SPECC1: variants seen among roughly 807,000 people sequenced by gnomAD.
The protein encoded by SPECC1 is cytospin-B.
In SPECC1, 62 loss-of-function variants were observed where a neutral mutation model predicts 104.1. The ratio of observed to expected loss-of-function variants is 0.60; its 90% confidence interval spans 0.49 to 0.74. The LOEUF (loss-of-function observed/expected upper bound fraction) is 0.74. SPECC1 is among the 30% of genes least tolerant of loss of function. The pLI, the probability that SPECC1 is intolerant of heterozygous loss-of-function variation, is 0.00. For missense variants in SPECC1, 1,306 were observed against 1,310.5 expected (o/e 1.00, Z 0.05); for synonymous variants, 513 against 501.6 (o/e 1.02, Z -0.30).
chr17:20,212,823 G>C (rs1279404332), intron 4 of SPECC1, among the ~76,000 whole-genome samples: 2 of 152,196 alleles, frequency 1.3e-5, no homozygotes, highest in Non-Finnish European at 2.9e-5. Flanking sequence ...CAGCAGAATT[G>C]AGGGGCTGCT....
intron 1 of SPECC1, among the ~76,000 whole-genome samples, chr17:20,041,939 A>G (rs1400629403): frequency 1.3e-5 from 2 of 151,942 alleles, no homozygotes; most frequent in African/African-American, 4.8e-5. Context: ...GAGGCTTATG[A>G]TATGTGCTTT....
chr17:20,257,351 T>TTG, intron 10 of SPECC1, 100 bp from the exon 11 acceptor site: 1 of 1,348,584 alleles, frequency 7.4e-7, no homozygotes, highest in East Asian at 2.5e-5. Context: ...TGTTTGCACT[T>TTG]GAGGATAAAA....
At chr17:20,020,571 A>G (rs2152432964) in intron 1 of SPECC1, among the ~76,000 whole-genome samples, 1 of 152,062 alleles carries the variant, frequency 6.6e-6, no homozygotes, top group East Asian at 1.9e-4. Context: ...TAATCTTGTG[A>G]TCCGCCCGCC....
chr17:20,173,836 G>C (rs777062171), intron 3 of SPECC1, among the ~76,000 whole-genome samples: 4 of 152,068 alleles, frequency 2.6e-5, no homozygotes, highest in African/African-American at 4.8e-5. Context: ...TTCTCCACTT[G>C]CTGCAGTTTC....
intron 3 of SPECC1, among the ~76,000 whole-genome samples, chr17:20,128,741 T>A (rs1441799090): frequency 2.6e-5 from 4 of 152,174 alleles, no homozygotes; most frequent in Non-Finnish European, 5.9e-5. Flanking sequence ...TTTAGTATTT[T>A]CTCATTTTTA....
intron 2 of SPECC1, among the ~76,000 whole-genome samples, chr17:20,104,267 C>A (rs1008526350): frequency 1.3e-5 from 2 of 152,154 alleles, no homozygotes; most frequent in African/African-American, 4.8e-5. Flanking sequence ...TCAGCACATT[C>A]CTTCTTCAGC....
intron 10 of SPECC1, among the ~76,000 whole-genome samples, chr17:20,254,134 C>CGTGTGTGTGTGTGTGTGTGTGT (rs71357419): frequency 2.8e-4 from 38 of 135,974 alleles, no homozygotes; most frequent in African/African-American, 9.8e-4. Flanking sequence ...GTTGTTACAC[C>CGTGTGTGTGTGTGTGTGTGTGT]GTGTGTGTGT....
At chr17:20,045,673 T>G (rs1333000167) in intron 1 of SPECC1, among the ~76,000 whole-genome samples, 2 of 152,196 alleles carry the variant, frequency 1.3e-5, no homozygotes, top group Non-Finnish European at 1.5e-5. Flanking sequence ...AATGTCTAAG[T>G]TGGTACATCC....
intron 7 of SPECC1, 30 bp downstream of exon 7, chr17:20,232,435 T>A: frequency 6.4e-7 from 1 of 1,573,392 alleles, no homozygotes; most frequent in Non-Finnish European, 8.6e-7. Flanking sequence ...GGGCCGTGCT[T>A]GCTTCTCAAT....
At chr17:20,056,406 G>A (rs923985053) in intron 1 of SPECC1, 4 of 184,906 alleles carry the variant, frequency 2.2e-5, no homozygotes, top group African/African-American at 2.4e-5. Flanking sequence ...GTCCGGAGAA[G>A]GGCGAGGCCG....
At chr17:20,188,411 C>T (rs2151270017) in intron 3 of SPECC1, among the ~76,000 whole-genome samples, 1 of 152,072 alleles carries the variant, frequency 6.6e-6, no homozygotes, top group East Asian at 1.9e-4. Flanking sequence ...GTGCGCACCA[C>T]CACGCCTGGC....
intron 11 of SPECC1, 78 bp from the exon 12 acceptor site, chr17:20,260,114 A>T (rs1311072785): frequency 7.0e-6 from 8 of 1,138,434 alleles, no homozygotes; most frequent in Non-Finnish European, 1.0e-5. Flanking sequence ...TTTCTAAAGT[A>T]GGTATTTATT....
At chr17:20,299,359 G>T (rs937951189) in intron 13 of SPECC1, among the ~76,000 whole-genome samples, 1 of 150,706 alleles carries the variant, frequency 6.6e-6, no homozygotes. Context: ...TTTAAGACCA[G>T]CCTAGGCAAC....
intron 12 of SPECC1, among the ~76,000 whole-genome samples, chr17:20,281,161 A>G (rs1297410685): frequency 6.6e-6 from 1 of 152,186 alleles, no homozygotes; most frequent in Non-Finnish European, 1.5e-5. Flanking sequence ...GCTGTAAGCC[A>G]TGGGAACTCA....
intron 1 of SPECC1, among the ~76,000 whole-genome samples, chr17:20,024,199 T>C (rs2044510099): frequency 6.6e-6 from 1 of 152,224 alleles, no homozygotes; most frequent in Non-Finnish European, 1.5e-5. Flanking sequence ...GAATTTGACT[T>C]CAAATCTTGT....
intron 14 of SPECC1, among the ~76,000 whole-genome samples, chr17:20,311,918 T>C (rs2041944374): frequency 1.3e-5 from 2 of 152,232 alleles, no homozygotes; most frequent in Non-Finnish European, 2.9e-5. Flanking sequence ...TTTGATCATA[T>C]GGTTTTTCTT....
At chr17:20,030,597 G>A (rs1022832866) in intron 1 of SPECC1, among the ~76,000 whole-genome samples, 2 of 151,992 alleles carry the variant, frequency 1.3e-5, no homozygotes, top group African/African-American at 2.4e-5. Context: ...AATATTTTAT[G>A]CAATTGCTTT....
chr17:20,293,397 C>T (rs553130530), intron 12 of SPECC1, among the ~76,000 whole-genome samples: 5 of 152,304 alleles, frequency 3.3e-5, no homozygotes, highest in Non-Finnish European at 7.3e-5. Context: ...TTCTCTTCAT[C>T]CTGCCTCTCC....
chr17:20,063,397 A>T (rs2046255903), intron 1 of SPECC1, among the ~76,000 whole-genome samples: 1 of 151,978 alleles, frequency 6.6e-6, no homozygotes, highest in Admixed American at 6.5e-5. Flanking sequence ...TCTTGTTCCT[A>T]ATTTGGGTAC....
Sources: allele counts gnomAD v4.1 joint callset (sites outside exome capture counted in the v4.1 genomes callset), GRCh38; gene constraint gnomAD v4.1.1; transcripts MANE v1.5; gene names NCBI Gene and HGNC (gene_info 2026-07-23, HGNC 2026-07-21).